IL17RE: variants seen among roughly 807,000 people sequenced by gnomAD.
IL17RE encodes interleukin 17 receptor E.
IL17RE carries 47 observed loss-of-function variants against 70.7 expected under a neutral mutation model. That is an observed-to-expected ratio of 0.67 (90% CI 0.53 to 0.85). The LOEUF (loss-of-function observed/expected upper bound fraction) is 0.85. IL17RE is among the 40% of genes least tolerant of loss of function. The pLI is 0.00. For missense variants in IL17RE, 850 were observed against 893.9 expected, an observed-to-expected ratio of 0.95 and a Z score of 0.63; for synonymous variants, 372 against 381.2, an observed-to-expected ratio of 0.98 and a Z score of 0.28.
intron 8 of IL17RE, 83 bp downstream of exon 8, chr3:9,909,366 C>T (rs2082837221): frequency 1.2e-5 from 14 of 1,156,976 alleles, no homozygotes; most frequent in East Asian, 2.4e-5. Flanking sequence ...CACACACACA[C>T]ACACACACCC....
At position 9,910,857 on chromosome 3, in the gene IL17RE, C is replaced by CT. The variant is rs1372650447; in HGVS notation, c.803-7dup. The CT allele has an allele frequency of 6.2e-7, 1 of 1,612,056 alleles. No homozygotes were observed. Among genetic ancestry groups the CT allele is most frequent in the East Asian group, 2.2e-5 (1 of 44,838 alleles). On this transcript the variant is annotated splice_polypyrimidine_tract_variant and splice_region_variant and intron_variant, in intron 8 of 15. Coordinates refer to ENST00000383814, the MANE Select transcript of IL17RE (RefSeq NM_153480.2). The stretch of plus-strand genomic sequence containing the variant: ...GACCCTCACCCACTGACCCTGCCAC[C>CT]TGCCCAGATGGCTCGGACTTCTGGA...
At chr3:9,905,031 G>T (rs767318570) in intron 3 of IL17RE, among the ~76,000 whole-genome samples, 2 of 136,902 alleles carry the variant, frequency 1.5e-5, no homozygotes, top group South Asian at 2.3e-4. Flanking sequence ...GGAGGTGGAG[G>T]TTGCAGTGAG....
intron 13 of IL17RE, 33 bp from the exon 14 acceptor site, chr3:9,914,515 G>C: frequency 6.2e-7 from 1 of 1,612,560 alleles, no homozygotes; most frequent in Non-Finnish European, 8.5e-7. Flanking sequence ...GAAGATGCCT[G>C]GCTCATAGGG....
Position 9,915,501 on chromosome 3 carries a change from G to C in IL17RE, c.1698G>C (p.Pro566=). The change falls in exon 16 of 16, where the codon CCG becomes CCC. Residue 566 remains proline, a synonymous_variant. Transcript: ENST00000383814. This position sits in a 1 kb window ranked among gnomAD's most constrained non-coding sequence, Gnocchi z 4.9. The part of the protein sequence containing the change: ...LLLWSGADLR[P]VSGPDPRAAP... ...TGTGGAGCGGCGCCGACCTTCGCCCGGTCAGCGGCCCCGACCCCCGCGCCG... is the reference window on the plus strand; with the variant it reads ...TGTGGAGCGGCGCCGACCTTCGCCCCGTCAGCGGCCCCGACCCCCGCGCCG... The C allele has an allele frequency of 1.5e-6, 2 of 1,313,314 alleles. No homozygotes were observed. Among genetic ancestry groups the C allele is most frequent in the Non-Finnish European group, 1.9e-6 (2 of 1,040,282 alleles). 81.4% of individuals were successfully genotyped at this position (1,313,314 alleles called of 1,614,324 possible). A position where few individuals can be genotyped will look rare whatever the true frequency, so the allele number is the denominator to read the frequency against.
At chr3:9,902,717 G>A, upstream of IL17RE, 1 of 1,535,396 alleles carries the variant, frequency 6.5e-7, no homozygotes. Flanking sequence ...GGTTTTTGGG[G>A]GCACAAGCTT....
intron 7 of IL17RE, among the ~76,000 whole-genome samples, chr3:9,908,581 G>T (rs1407676149): frequency 6.6e-6 from 1 of 152,196 alleles, no homozygotes; most frequent in Non-Finnish European, 1.5e-5. Flanking sequence ...AGCCCACAGA[G>T]CCAGAATAGG....
intron 7 of IL17RE, 69 bp downstream of exon 7, chr3:9,908,376 C>T (rs2082810153): frequency 7.6e-7 from 1 of 1,307,438 alleles, no homozygotes; most frequent in Admixed American, 1.7e-5. Flanking sequence ...CGCAGTTGGT[C>T]AAGTATATCT....
intron 12 of IL17RE, among the ~76,000 whole-genome samples, chr3:9,912,460 G>A (rs1053656049): frequency 1.3e-5 from 2 of 152,126 alleles, no homozygotes; most frequent in African/African-American, 4.8e-5. Flanking sequence ...CAGCTGACAG[G>A]CTCTGCACAA....
Position 9,910,915 on chromosome 3 carries a change from A to G in IL17RE, c.853A>G (p.Thr285Ala), listed in dbSNP as rs944752122. ...SVHFTDYSQH[T>A]QMVMALTLRC... ...GCACTTCACTGACTACAGCCAGCAC[A>G]CTCAGATGGTCATGGCCCTGACACT... The change falls in exon 9 of 16, where the codon ACT becomes GCT. Residue 285 changes from threonine to alanine, a missense_variant. Thr to Ala is a moderately conservative substitution (Grantham distance 58). Transcript: ENST00000383814. 2.5e-6 allele frequency: 4 copies of G among 1,613,928 alleles called. No homozygotes were observed. In the African/African-American group the frequency reaches 5.3e-5, roughly 22 times the overall value.
At chr3:9,912,126 T>C (rs920163411) in intron 12 of IL17RE, among the ~76,000 whole-genome samples, 1 of 152,158 alleles carries the variant, frequency 6.6e-6, no homozygotes, top group Non-Finnish European at 1.5e-5. Flanking sequence ...TAGATTCTTA[T>C]AGGAGCGCAA....
chr3:9,905,094 CAAAAAAAAAAA>C (rs71626946), intron 3 of IL17RE, among the ~76,000 whole-genome samples: 1 of 56,162 alleles, frequency 1.8e-5, no homozygotes, highest in Non-Finnish European at 3.1e-5. Context: ...GACCCTGTCT[CAAAAAAAAAAA>C]AAAAAAAAAA....
At chr3:9,908,059 G>C (rs1016880033) in intron 6 of IL17RE, among the ~76,000 whole-genome samples, 180 bp from the exon 7 acceptor site, 2 of 152,168 alleles carry the variant, frequency 1.3e-5, no homozygotes, top group Non-Finnish European at 2.9e-5. Flanking sequence ...AGAGCACCTA[G>C]AGCTAATGAT....
chr3:9,915,576 C>T lies in IL17RE; in HGVS notation c.1773C>T (p.Leu591=), dbSNP rs932019271. The change falls in exon 16 of 16, where the codon CTC becomes CTT. Residue 591 remains leucine (L), a synonymous_variant. Coordinates refer to ENST00000383814, the MANE Select transcript of IL17RE (RefSeq NM_153480.2). This position sits in a 1 kb window ranked among gnomAD's most constrained non-coding sequence, Gnocchi z 4.9. ...CTGCCCCGCGCCCGCTGCTGCTGCT[C>T]GCTTACTTCAGTCGCCTCTGCGCCA... ...LHAAPRPLLL[L]AYFSRLCAKG... 7 of 1,419,144 alleles carry T rather than the reference C, an allele frequency of 4.9e-6. No individual in the cohort carries two copies. Among genetic ancestry groups the T allele is most frequent in the African/African-American group, 1.5e-5 (1 of 66,888 alleles). 87.9% of individuals were successfully genotyped at this position (1,419,144 alleles called of 1,614,324 possible). A position where few individuals can be genotyped will look rare whatever the true frequency, so the allele number is the denominator to read the frequency against.
chr3:9,914,908 C>A, intron 15 of IL17RE, 131 bp downstream of exon 15: 1 of 786,148 alleles, frequency 1.3e-6, no homozygotes, highest in Admixed American at 2.4e-5. Context: ...AGCCTCAGGC[C>A]CCCAAGTGAG....
chr3:9,910,565 A>G (rs1431999799), intron 8 of IL17RE, among the ~76,000 whole-genome samples: 1 of 151,844 alleles, frequency 6.6e-6, no homozygotes, highest in African/African-American at 2.4e-5. Flanking sequence ...TTGGTGGCAC[A>G]CACCTGTAAT....
At position 9,902,904 on chromosome 3, in the gene IL17RE, T is replaced by C. The variant is rs373804985; in HGVS notation, c.-29T>C. Reference sequence around the variant, plus strand: ...CCCACCTTCAGGCCATGCAGCCATGTTCCGGGAGCCCTAATTGCACAGAAG... The same window carrying C: ...CCCACCTTCAGGCCATGCAGCCATGCTCCGGGAGCCCTAATTGCACAGAAG... On this transcript the variant is annotated 5_prime_UTR_variant, in exon 1 of 16. Coordinates refer to ENST00000383814, the MANE Select transcript of IL17RE (RefSeq NM_153480.2). 101 of 1,614,068 alleles carry C rather than the reference T, an allele frequency of 6.3e-5. No individual in the cohort carries two copies. The highest frequency in any genetic ancestry group is 1.6e-4 in the Middle Eastern group (1 of 6,082).
chr3:9,906,154 C>T (rs192312316), intron 3 of IL17RE, among the ~76,000 whole-genome samples: 1,925 of 152,220 alleles, frequency 0.013, 18 homozygotes, highest in Non-Finnish European at 0.017. Context: ...GAGGCTGAGG[C>T]AGGAGAATCA....
intron 2 of IL17RE, 40 bp downstream of exon 2, chr3:9,903,452 C>T (rs1451874484): frequency 1.2e-6 from 2 of 1,611,998 alleles, no homozygotes; most frequent in African/African-American, 2.7e-5. Flanking sequence ...TCCCCACGCC[C>T]ACTATTTTTG....
intron 8 of IL17RE, 93 bp downstream of exon 8, chr3:9,909,376 C>CAT (rs2082838452): frequency 9.3e-7 from 1 of 1,074,972 alleles, no homozygotes; most frequent in African/African-American, 1.6e-5. Context: ...CACACACACC[C>CAT]CGCACTTCAC....
Sources: gnomAD v4.1 joint callset for allele counts (sites outside exome capture counted in the v4.1 genomes callset) on GRCh38, gnomAD v4.1.1 for gene constraint, Gnocchi (gnomAD v3.1) non-coding constraint, MANE v1.5 for transcripts, NCBI Gene and HGNC (gene_info 2026-07-23, HGNC 2026-07-21) for gene names.